Variants in ZNF678 observed in about 807,000 individuals in gnomAD.
The protein encoded by ZNF678 is zinc finger protein 678, also known as hypothetical protein MGC42493.
In ZNF678, 5 loss-of-function variants were observed where a neutral mutation model predicts 3.0. The observed-to-expected ratio is 1.69, with a 90% CI of 0.88 to 3.56. The LOEUF is 3.56. Ranked by LOEUF, ZNF678 falls within the 30% of genes most tolerant of loss-of-function variation. ZNF678 has a pLI of 0.00. For missense variants in ZNF678, 593 were observed against 605.0 expected, an observed-to-expected ratio of 0.98 and a Z score of 0.21; for synonymous variants, 218 against 199.6, an observed-to-expected ratio of 1.09 and a Z score of -0.78.
At position 227,591,069 on chromosome 1, in the gene ZNF678, C is replaced by T. The variant is rs145071393; in HGVS notation, c.-164+27345C>T. Among the ~76,000 whole-genome samples the T allele has an allele frequency of 2.4e-3, 363 of 151,882 alleles. 9 individuals are homozygous for T. The highest frequency in any genetic ancestry group is 8.3e-3 in the East Asian group (43 of 5,184). On this transcript the variant is annotated intron_variant, in intron 1 of 3. Transcript: ENST00000343776. ...AACATGAAGTGACATTGAGAGACTG[C>T]GCTACATGCTCGGCTAATTGCAAAA...
chr1:227,673,218 A>G (rs1659630293), intron 5 of ZNF678, among the ~76,000 whole-genome samples: 1 of 152,120 alleles, frequency 6.6e-6, no homozygotes, highest in African/African-American at 2.4e-5. Context: ...GTTTTCAACA[A>G]TCCCATAATT....
chr1:227,588,772 T>TG (rs1657330737), intron 1 of ZNF678, among the ~76,000 whole-genome samples: 1 of 152,184 alleles, frequency 6.6e-6, no homozygotes, highest in South Asian at 2.1e-4. Context: ...CCCAAAGTGC[T>TG]GGGATTACAG....
At chr1:227,590,996 G>A (rs954210964) in intron 1 of ZNF678, among the ~76,000 whole-genome samples, 3 of 151,756 alleles carry the variant, frequency 2.0e-5, no homozygotes, top group South Asian at 4.2e-4. Context: ...ACTAATTCTC[G>A]GGCTTCCTAT....
chr1:227,567,526 A>G (rs777569800), intron 1 of ZNF678, among the ~76,000 whole-genome samples: 2 of 152,132 alleles, frequency 1.3e-5, no homozygotes, highest in Non-Finnish European at 2.9e-5. Flanking sequence ...GAAGCTACGG[A>G]TCTCCTGGAA....
intron 1 of ZNF678, among the ~76,000 whole-genome samples, chr1:227,630,494 C>T (rs1047019378): frequency 3.9e-5 from 6 of 152,182 alleles, no homozygotes; most frequent in East Asian, 1.9e-4. Flanking sequence ...TTGGGGTTAG[C>T]ATCTGATCTA....
chr1:227,665,191 C>T (rs1197907036), downstream of ZNF678, among the ~76,000 whole-genome samples: 1 of 152,260 alleles, frequency 6.6e-6, no homozygotes, highest in South Asian at 2.1e-4. Flanking sequence ...GCGTGGACTA[C>T]AGCTCAAACA....
intron 1 of ZNF678, among the ~76,000 whole-genome samples, chr1:227,621,854 A>G (rs1260539310): frequency 6.6e-6 from 1 of 152,198 alleles, no homozygotes; most frequent in African/African-American, 2.4e-5. Context: ...TTTAGGTACC[A>G]CTGACCACCA....
chr1:227,655,945 C>CCTG lies in ZNF678; in HGVS notation c.*117_*118insCTG. The CCTG allele has an allele frequency of 5.5e-6, 4 of 727,042 alleles. No homozygotes were observed. The highest frequency in any genetic ancestry group is 3.4e-5 in the Admixed American group (1 of 29,654). The allele number at this position is 727,042 out of a possible 1,614,324, so 45.0% of individuals were successfully genotyped here. A position where few individuals can be genotyped will look rare whatever the true frequency, so the allele number is the denominator to read the frequency against. On this transcript the variant is annotated 3_prime_UTR_variant, in exon 4 of 4. Coordinates refer to ENST00000343776, the MANE Select transcript of ZNF678 (RefSeq NM_001367909.1). The stretch of plus-strand genomic sequence containing the variant: ...AAGCTTCAGAGTGCACAACACTATA[C>CCTG]TGAATGAAATTTATAAATATAAAAG...
rs187216078 is a variant in ZNF678, at chr1:227,643,488, A to G, written c.-163-3056A>G. Reference sequence around the variant, plus strand: ...TTCACCCTCTTCGAAACCTTGTCTAAATATGTTTCCACCCTGGCATTTCCC... The same window carrying G: ...TTCACCCTCTTCGAAACCTTGTCTAGATATGTTTCCACCCTGGCATTTCCC... On this transcript the variant is annotated intron_variant, in intron 1 of 3. Transcript: ENST00000343776. Among the ~76,000 whole-genome samples, 17 of 152,196 alleles carry G rather than the reference A, an allele frequency of 1.1e-4. No homozygotes were observed. The East Asian group carries it at 3.3e-3, about 29-fold the overall frequency.
intron 1 of ZNF678, among the ~76,000 whole-genome samples, chr1:227,640,679 G>A (rs1046333636): frequency 1.2e-4 from 19 of 152,264 alleles, no homozygotes; most frequent in African/African-American, 4.1e-4. Context: ...TTCGTACTGC[G>A]GCCAGGCTGT....
intron 1 of ZNF678, among the ~76,000 whole-genome samples, chr1:227,586,813 A>C (rs1356140681): frequency 6.6e-6 from 1 of 152,194 alleles, no homozygotes; most frequent in African/African-American, 2.4e-5. Context: ...TCATATTCTT[A>C]ACCCTAATAG....
chr1:227,615,915 G>A (rs549205829), intron 1 of ZNF678, among the ~76,000 whole-genome samples: 2 of 152,224 alleles, frequency 1.3e-5, no homozygotes, highest in East Asian at 1.9e-4. Context: ...GCTGACCCTC[G>A]GTCTTGTGAT....
Position 227,605,997 on chromosome 1 carries a change from A to G in ZNF678, c.-163-40547A>G, listed in dbSNP as rs140441250. ...TAACTCTTTTTATATGTTATTTATT[A>G]TCTCCTTTTTATTGAAAGTGAAGGG... On this transcript the variant is annotated intron_variant, in intron 1 of 3. Transcript: ENST00000343776. 2.7e-3 allele frequency among the ~76,000 whole-genome samples: 407 copies of G among 152,278 alleles called. 2 individuals are homozygous for G. The highest frequency in any genetic ancestry group is 9.5e-3 in the African/African-American group (393 of 41,560).
intron 1 of ZNF678, among the ~76,000 whole-genome samples, chr1:227,616,650 A>T (rs1658149355): frequency 6.6e-6 from 1 of 152,146 alleles, no homozygotes; most frequent in Non-Finnish European, 1.5e-5. Context: ...TGTTTGGGGG[A>T]GGCAGCATAT....
At chr1:227,669,988 A>T (rs1659573667) in intron 5 of ZNF678, among the ~76,000 whole-genome samples, 1 of 152,212 alleles carries the variant, frequency 6.6e-6, no homozygotes, top group Non-Finnish European at 1.5e-5. Context: ...AAGAAAACGT[A>T]CATTTACACC....
chr1:227,573,680 G>GTAACTTTTAAA (rs1656912863), intron 1 of ZNF678, among the ~76,000 whole-genome samples: 1 of 98,744 alleles, frequency 1.0e-5, no homozygotes, highest in African/African-American at 5.0e-5. Flanking sequence ...TTTTTTATTT[G>GTAACTTTTAAA]TAACTTTTAA....
intron 1 of ZNF678, among the ~76,000 whole-genome samples, chr1:227,618,463 T>C (rs755353124): frequency 6.6e-6 from 1 of 152,250 alleles, no homozygotes; most frequent in Non-Finnish European, 1.5e-5. Context: ...CATTTAATTC[T>C]GAGACCTCAA....
chr1:227,631,617 T>G lies in ZNF678; in HGVS notation c.-163-14927T>G, dbSNP rs563535286. On this transcript the variant is annotated intron_variant, in intron 1 of 3. Coordinates refer to ENST00000343776, the MANE Select transcript of ZNF678 (RefSeq NM_001367909.1). ...TGTAGGAATATGCCCTAATTATTGA[T>G]CTTAAACTTTTTGTTGCCCCAGATT... Among the ~76,000 whole-genome samples, 18 of 152,354 alleles carry G rather than the reference T, an allele frequency of 1.2e-4. No individual in the cohort carries two copies. The South Asian group carries it at 3.7e-3, about 32-fold the overall frequency.
intron 1 of ZNF678, among the ~76,000 whole-genome samples, chr1:227,607,094 C>A (rs1006443264): frequency 6.6e-6 from 1 of 152,178 alleles, no homozygotes; most frequent in Non-Finnish European, 1.5e-5. Context: ...CCATCCAGAT[C>A]TGAGATACTC....
Sources: allele counts gnomAD v4.1 joint callset (sites outside exome capture counted in the v4.1 genomes callset), GRCh38; gene constraint gnomAD v4.1.1; transcripts MANE v1.5; gene names NCBI Gene and HGNC (gene_info 2026-07-23, HGNC 2026-07-21).